Variants in EPHA6 observed in about 807,000 individuals in gnomAD.
The protein encoded by EPHA6 is ephrin type-A receptor 6.
In EPHA6, 50 loss-of-function variants were observed where a neutral mutation model predicts 112.0. The ratio of observed to expected loss-of-function variants is 0.45; its 90% CI spans 0.36 to 0.56. EPHA6 has a LOEUF of 0.56. Ranked by LOEUF, EPHA6 falls within the 20% of genes least tolerant of loss-of-function variation. The pLI is 0.00. For missense variants in EPHA6, 1,280 were observed against 1,417.4 expected (o/e 0.90, Z 1.56); for synonymous variants, 529 against 490.7 (o/e 1.08, Z -1.03).
At chr3:97,599,935 T>G (rs2093629195) in intron 12 of EPHA6, among the ~76,000 whole-genome samples, 1 of 152,162 alleles carries the variant, frequency 6.6e-6, no homozygotes, top group Non-Finnish European at 1.5e-5. Flanking sequence ...TATCCTCTTT[T>G]ATTTCCTTGA....
chr3:97,331,237 A>T (rs1193914641), intron 5 of EPHA6, among the ~76,000 whole-genome samples: 1 of 152,180 alleles, frequency 6.6e-6, no homozygotes, highest in Admixed American at 6.6e-5. Context: ...TGTAGGAGAC[A>T]CATTCAAAGC....
chr3:97,167,208 T>C (rs1056921521), intron 3 of EPHA6, among the ~76,000 whole-genome samples: 2 of 152,138 alleles, frequency 1.3e-5, no homozygotes, highest in African/African-American at 4.8e-5. Context: ...AGATGGAAAA[T>C]ATGGGTTTGA....
chr3:97,153,794 A>T (rs913042240), intron 3 of EPHA6, among the ~76,000 whole-genome samples: 1 of 152,168 alleles, frequency 6.6e-6, no homozygotes, highest in Non-Finnish European at 1.5e-5. Context: ...CATGTGATCA[A>T]AATTAAACTT....
chr3:97,044,818 T>C (rs1052400211), intron 3 of EPHA6, among the ~76,000 whole-genome samples: 19 of 151,844 alleles, frequency 1.3e-4, no homozygotes, highest in African/African-American at 4.3e-4. Flanking sequence ...ATATAGTAAA[T>C]GGAATGAAAA....
At chr3:96,922,960 G>A (rs1256373933) in intron 2 of EPHA6, among the ~76,000 whole-genome samples, 2 of 152,082 alleles carry the variant, frequency 1.3e-5, no homozygotes, top group African/African-American at 4.8e-5. Context: ...TCTTTGCAAA[G>A]GACATGATTT....
chr3:97,622,763 G>A (rs1232967289), intron 13 of EPHA6, among the ~76,000 whole-genome samples: 3 of 151,692 alleles, frequency 2.0e-5, no homozygotes, highest in Non-Finnish European at 4.4e-5. Flanking sequence ...ATTTTCTGAT[G>A]TTTTTGTTTG....
chr3:97,690,979 T>C (rs1576296135), intron 14 of EPHA6, among the ~76,000 whole-genome samples: 1 of 152,336 alleles, frequency 6.6e-6, no homozygotes, highest in Middle Eastern at 3.4e-3. Context: ...TTACCACTTG[T>C]GCTTTTGGTG....
intron 3 of EPHA6, among the ~76,000 whole-genome samples, chr3:97,081,393 A>T (rs779694542): frequency 2.8e-4 from 42 of 151,976 alleles, no homozygotes; most frequent in Admixed American, 1.3e-3. Flanking sequence ...CAGTTCAAAG[A>T]AACATTTTTT....
intron 5 of EPHA6, among the ~76,000 whole-genome samples, chr3:97,264,471 A>G (rs1215622653): frequency 1.3e-5 from 2 of 152,242 alleles, no homozygotes; most frequent in African/African-American, 4.8e-5. Context: ...GTGGTGGTGC[A>G]TGGAAACTTG....
chr3:97,462,201 T>G (rs1195673388), intron 7 of EPHA6, among the ~76,000 whole-genome samples: 1 of 152,128 alleles, frequency 6.6e-6, no homozygotes, highest in African/African-American at 2.4e-5. Flanking sequence ...AATACTACCA[T>G]TTCTTATGAT....
chr3:96,874,939 A>C (rs1009863001), intron 2 of EPHA6, among the ~76,000 whole-genome samples: 4 of 152,006 alleles, frequency 2.6e-5, no homozygotes, highest in African/African-American at 9.7e-5. Context: ...AACTAAAGGG[A>C]GGCCATTCAG....
intron 2 of EPHA6, among the ~76,000 whole-genome samples, chr3:96,978,889 G>A (rs2042637646): frequency 6.6e-6 from 1 of 151,966 alleles, no homozygotes; most frequent in South Asian, 2.1e-4. Context: ...GAATGTATTT[G>A]TAAATAAGGA....
chr3:97,510,985 C>G (rs2092353919), intron 10 of EPHA6, among the ~76,000 whole-genome samples: 1 of 152,208 alleles, frequency 6.6e-6, no homozygotes, highest in Non-Finnish European at 1.5e-5. Context: ...TTTGTTTACA[C>G]TGTGAGGGTA....
intron 11 of EPHA6, among the ~76,000 whole-genome samples, chr3:97,566,906 G>T (rs1422363159): frequency 6.6e-6 from 1 of 152,098 alleles, no homozygotes; most frequent in Non-Finnish European, 1.5e-5. Context: ...AACCTTATTG[G>T]CCTGGCATGT....
chr3:97,724,837 G>GTAT (rs1234019343), intron 15 of EPHA6, among the ~76,000 whole-genome samples: 2 of 151,960 alleles, frequency 1.3e-5, no homozygotes, highest in Non-Finnish European at 2.9e-5. Flanking sequence ...TAAAATTCTG[G>GTAT]TATTTTTAAG....
chr3:97,429,615 AT>A (rs2089374620), intron 6 of EPHA6, among the ~76,000 whole-genome samples: 1 of 151,292 alleles, frequency 6.6e-6, no homozygotes, highest in African/African-American at 2.5e-5. Context: ...CCTATAGCAT[AT>A]TCGAAAGTTT....
chr3:97,466,458 GA>G (rs764137251), intron 7 of EPHA6: 1 of 1,513,892 alleles, frequency 6.6e-7, no homozygotes, highest in South Asian at 1.1e-5. Context: ...CTGGCTTAAT[GA>G]AAAGTGGGAC....
intron 3 of EPHA6, among the ~76,000 whole-genome samples, chr3:97,210,268 C>G (rs1198449074): frequency 6.6e-6 from 1 of 152,068 alleles, no homozygotes; most frequent in African/African-American, 2.4e-5. Flanking sequence ...AGAAAACTTA[C>G]AATCATGGGG....
At chr3:96,891,078 G>A (rs1030940884) in intron 2 of EPHA6, among the ~76,000 whole-genome samples, 1 of 152,058 alleles carries the variant, frequency 6.6e-6, no homozygotes, top group Non-Finnish European at 1.5e-5. Flanking sequence ...GAGTGAAAGA[G>A]ACTCCATCTC....
Sources: allele counts gnomAD v4.1 joint callset (sites outside exome capture counted in the v4.1 genomes callset), GRCh38; gene constraint gnomAD v4.1.1; transcripts MANE v1.5; gene names NCBI Gene and HGNC (gene_info 2026-07-23, HGNC 2026-07-21).